Variants in ZFPM2 observed in about 807,000 individuals in gnomAD.
ZFPM2 encodes zinc finger protein, FOG family member 2, also known as zinc finger protein ZFPM2.
ZFPM2 carries 20 observed loss-of-function variants against 98.6 expected under a neutral mutation model. The observed-to-expected ratio is 0.20, with a 90% CI of 0.14 to 0.29. ZFPM2 has a LOEUF of 0.29. Ranked by LOEUF, ZFPM2 falls within the 10% of genes least tolerant of loss-of-function variation. ZFPM2 has a pLI of 1.00. For missense variants in ZFPM2, 1,310 were observed against 1,388.6 expected, an observed-to-expected ratio of 0.94 and a Z score of 0.90; for synonymous variants, 518 against 502.7, an observed-to-expected ratio of 1.03 and a Z score of -0.41.
At chr8:105,724,528 G>A (rs1426367942) in intron 5 of ZFPM2, among the ~76,000 whole-genome samples, 4 of 151,808 alleles carry the variant, frequency 2.6e-5, no homozygotes, top group African/African-American at 7.3e-5. Context: ...GCAATTTACT[G>A]GAAAGAGAAA....
chr8:105,492,856 A>T (rs1163936056), intron 3 of ZFPM2, among the ~76,000 whole-genome samples: 1 of 152,220 alleles, frequency 6.6e-6, no homozygotes, highest in Non-Finnish European at 1.5e-5. Context: ...TGCAACCTAC[A>T]TTTTTGATAC....
chr8:105,749,815 G>C (rs1433146650), intron 5 of ZFPM2, among the ~76,000 whole-genome samples: 1 of 151,818 alleles, frequency 6.6e-6, no homozygotes, highest in Non-Finnish European at 1.5e-5. Flanking sequence ...GAGGAAGGGG[G>C]GCAGAAAGGA....
At chr8:105,425,853 T>TA (rs1563652896) in intron 2 of ZFPM2, among the ~76,000 whole-genome samples, 1 of 152,250 alleles carries the variant, frequency 6.6e-6, no homozygotes, top group African/African-American at 2.4e-5. Flanking sequence ...ATGCTTTTTT[T>TA]AACTGTATCT....
chr8:105,534,002 T>C lies in ZFPM2; in HGVS notation c.302-27361T>C, dbSNP rs1477939121. 9.1e-5 allele frequency among the ~76,000 whole-genome samples: 3 copies of C among 32,902 alleles called. 1 individual carries two copies. The highest frequency in any genetic ancestry group is 4.1e-4 in the African/African-American group (2 of 4,836). The allele number at this position is 32,902 out of a possible 152,430, so 21.6% of individuals were successfully genotyped here. On this transcript the variant is annotated intron_variant, in intron 3 of 7. Coordinates refer to ENST00000407775, the MANE Select transcript of ZFPM2 (RefSeq NM_012082.4). ...CTCCCTCCTTCCCTCCCTCTCTCCT[T>C]CCTTCCTTCCTCCCTTCTTCCCTTC...
At chr8:105,355,480 G>T (rs927398985) in intron 1 of ZFPM2, among the ~76,000 whole-genome samples, 2 of 152,068 alleles carry the variant, frequency 1.3e-5, no homozygotes, top group African/African-American at 2.4e-5. Context: ...AGGAAGTTGG[G>T]CCATTATAGA....
chr8:105,675,192 C>G (rs1426299746), intron 5 of ZFPM2, among the ~76,000 whole-genome samples: 3 of 152,144 alleles, frequency 2.0e-5, no homozygotes, highest in Non-Finnish European at 4.4e-5. Flanking sequence ...ACTCACTGCT[C>G]TAATATATCT....
chr8:105,571,901 C>T lies in ZFPM2; in HGVS notation c.420+10420C>T, dbSNP rs545351714. Among the ~76,000 whole-genome samples the T allele has an allele frequency of 2.6e-5, 4 of 152,236 alleles. No homozygotes were observed. The South Asian group carries it at 8.3e-4, about 32-fold the overall frequency. On this transcript the variant is annotated intron_variant, in intron 4 of 7. Coordinates refer to ENST00000407775, the MANE Select transcript of ZFPM2 (RefSeq NM_012082.4). The stretch of plus-strand genomic sequence containing the variant: ...TAATTTAACTGTAGCTCTCAGGTGG[C>T]ATTGACAACCTTTATTATCATATAA...
chr8:105,496,673 GTT>G (rs35067278), intron 3 of ZFPM2, among the ~76,000 whole-genome samples: 4,746 of 128,324 alleles, frequency 0.037, 257 homozygotes, highest in African/African-American at 0.13. Flanking sequence ...TGTTTTTTTG[GTT>G]TTTTTTTTTT....
At chr8:105,582,873 G>A (rs1815632933) in intron 4 of ZFPM2, among the ~76,000 whole-genome samples, 1 of 152,070 alleles carries the variant, frequency 6.6e-6, no homozygotes, top group Non-Finnish European at 1.5e-5. Context: ...GGATTACAGG[G>A]GTGAGCCACC....
At chr8:105,678,083 C>T (rs139365049) in intron 5 of ZFPM2, among the ~76,000 whole-genome samples, 1 of 152,270 alleles carries the variant, frequency 6.6e-6, no homozygotes, top group East Asian at 1.9e-4. Flanking sequence ...GTTCTTTACA[C>T]CTTTTTCCTC....
chr8:105,705,115 A>T (rs938100015), intron 5 of ZFPM2, among the ~76,000 whole-genome samples: 4 of 152,026 alleles, frequency 2.6e-5, no homozygotes, highest in Non-Finnish European at 5.9e-5. Flanking sequence ...ATCATATTAA[A>T]TTAGTATAAT....
intron 5 of ZFPM2, among the ~76,000 whole-genome samples, chr8:105,754,312 C>A (rs1812545637): frequency 6.6e-6 from 1 of 152,122 alleles, no homozygotes; most frequent in Non-Finnish European, 1.5e-5. Context: ...AGCAAATATT[C>A]AACTATAAGT....
chr8:105,419,098 T>G, intron 1 of ZFPM2, 46 bp from the exon 2 acceptor site: 6 of 1,585,478 alleles, frequency 3.8e-6, no homozygotes, highest in Non-Finnish European at 4.3e-6. Flanking sequence ...TATTTCACTG[T>G]CTTCCTTGCA....
chr8:105,413,507 T>TATATATATATATATATATAC (rs1554602641), intron 1 of ZFPM2, among the ~76,000 whole-genome samples: 2 of 135,558 alleles, frequency 1.5e-5, no homozygotes, highest in African/African-American at 5.3e-5. Context: ...TATATATATA[T>TATATATATATATATATATAC]ACACACACAC....
chr8:105,723,546 C>T (rs1811722636), intron 5 of ZFPM2, among the ~76,000 whole-genome samples: 1 of 151,954 alleles, frequency 6.6e-6, no homozygotes, highest in East Asian at 2.0e-4. Flanking sequence ...AAAAGGCAGA[C>T]TCTTATACTG....
chr8:105,396,213 G>T (rs896815135), intron 1 of ZFPM2, among the ~76,000 whole-genome samples: 1 of 152,148 alleles, frequency 6.6e-6, no homozygotes, highest in African/African-American at 2.4e-5. Flanking sequence ...GTGTGTTGAG[G>T]GGGGTGGCAT....
At position 105,782,905 on chromosome 8, in the gene ZFPM2, A is replaced by G. The variant is rs1167456243; in HGVS notation, c.533-5813A>G. Among the ~76,000 whole-genome samples, 4 of 152,244 alleles carry G rather than the reference A, an allele frequency of 2.6e-5. No individual in the cohort carries two copies. The East Asian group carries it at 7.7e-4, about 29-fold the overall frequency. Reference sequence around the variant, plus strand: ...CTGCTTCTTATGAAAGCCACAGAAAACATGTTTAGATTCCTTAAATTTCAC... The same window carrying G: ...CTGCTTCTTATGAAAGCCACAGAAAGCATGTTTAGATTCCTTAAATTTCAC... On this transcript the variant is annotated intron_variant, in intron 5 of 7. Coordinates refer to ENST00000407775, the MANE Select transcript of ZFPM2 (RefSeq NM_012082.4).
intron 2 of ZFPM2, among the ~76,000 whole-genome samples, chr8:105,420,059 G>A (rs186431133): frequency 2.0e-4 from 31 of 152,168 alleles, no homozygotes; most frequent in African/African-American, 5.3e-4. Flanking sequence ...CCAATGTACC[G>A]TTTTCACAAA....
At chr8:105,441,469 A>AGGAAGGAAGGAAG (rs1812243213) in intron 2 of ZFPM2, among the ~76,000 whole-genome samples, 1 of 68,368 alleles carries the variant, frequency 1.5e-5, no homozygotes, top group African/African-American at 1.2e-4. Flanking sequence ...AAAGAAAGAA[A>AGGAAGGAAGGAAG]GAAAGAAAGA....
Sources: gnomAD v4.1 joint callset for allele counts (sites outside exome capture counted in the v4.1 genomes callset) on GRCh38, gnomAD v4.1.1 for gene constraint, MANE v1.5 for transcripts, NCBI Gene and HGNC (gene_info 2026-07-23, HGNC 2026-07-21) for gene names.